Variants in MACC1 observed in about 807,000 individuals in gnomAD.
The protein encoded by MACC1 is MET transcriptional regulator MACC1, also known as metastasis-associated in colon cancer protein 1.
In MACC1, 79 loss-of-function variants were observed where a neutral mutation model predicts 70.7. The observed-to-expected ratio is 1.12, with a 90% CI of 0.93 to 1.35. MACC1 has a LOEUF of 1.35. Among genes scored for constraint, MACC1 ranks in the 40% most tolerant of loss-of-function variants. MACC1 has a pLI of 0.00. For missense variants in MACC1, 1,106 were observed against 978.1 expected (o/e 1.13, Z -1.74); for synonymous variants, 361 against 347.2 (o/e 1.04, Z -0.44).
rs895520927 is a variant in MACC1 at position 20,158,553 on chromosome 7, C to G, written c.1808G>C (p.Arg603Thr). ...KVKEWYVGVL[R>T]GKIGLVHCKN... ...GCAGTGTACAAGTCCAATCTTACCTCTGAGGACTCCTACATACCATTCTTT... is the reference window on the plus strand; with the variant it reads ...GCAGTGTACAAGTCCAATCTTACCTGTGAGGACTCCTACATACCATTCTTT... Residue 603 changes from arginine (R) to threonine (T), a missense_variant, in exon 5 of 7, where the codon AGA becomes ACA. Physicochemically the swap from Arg to Thr is moderately conservative, Grantham distance 71. Transcript: ENST00000400331. The G allele has an allele frequency of 3.7e-6, 6 of 1,613,952 alleles. No individual in the cohort carries two copies. The African/African-American group carries it at 4.0e-5, about 11-fold the overall frequency.
chr7:20,199,307 C>A (rs142919697), intron 1 of MACC1, among the ~76,000 whole-genome samples: 1 of 152,206 alleles, frequency 6.6e-6, no homozygotes, highest in South Asian at 2.1e-4. Context: ...AAAGAGTTGG[C>A]AAGGTTTGAT....
rs936389664 is a variant in MACC1, at chr7:20,140,282, G to T, written c.*664C>A. ...GTTATGCAGTATGATTTTTTAAAAA[G>T]AAATAGAAACAGGTTTTTCAAGCAG... On this transcript the variant is annotated 3_prime_UTR_variant, in exon 7 of 7. Transcript: ENST00000400331. 1 of 152,100 alleles carries T rather than the reference G, an allele frequency of 6.6e-6. No homozygotes were observed. Among genetic ancestry groups the T allele is most frequent in the African/African-American group, 2.4e-5 (1 of 41,424 alleles). 9.4% of individuals were successfully genotyped at this position (152,100 alleles called of 1,614,324 possible).
chr7:20,197,964 T>C (rs1237507955), intron 1 of MACC1, among the ~76,000 whole-genome samples: 1 of 152,216 alleles, frequency 6.6e-6, no homozygotes, highest in Non-Finnish European at 1.5e-5. Flanking sequence ...ATAAAAACCA[T>C]TTCAACATGA....
chr7:20,213,736 C>T (rs1337239022), intron 1 of MACC1, among the ~76,000 whole-genome samples: 1 of 152,008 alleles, frequency 6.6e-6, no homozygotes, highest in Non-Finnish European at 1.5e-5. Flanking sequence ...AGGGGAACAA[C>T]ACACACCGAG....
At chr7:20,199,630 A>G (rs1013907387) in intron 1 of MACC1, among the ~76,000 whole-genome samples, 11 of 152,238 alleles carry the variant, frequency 7.2e-5, no homozygotes, top group South Asian at 2.1e-4. Flanking sequence ...GAAGTCTTCA[A>G]ATGAAACAGG....
At chr7:20,181,324 G>T (rs1782503451) in intron 1 of MACC1, among the ~76,000 whole-genome samples, 1 of 151,886 alleles carries the variant, frequency 6.6e-6, no homozygotes, top group African/African-American at 2.4e-5. Context: ...TATATTGATA[G>T]AAAGGACAGT....
chr7:20,161,675 A>G, intron 4 of MACC1, 73 bp downstream of exon 4: 1 of 848,724 alleles, frequency 1.2e-6, no homozygotes, highest in Non-Finnish European at 2.0e-6. Context: ...TCAGAGGTAG[A>G]CCTTCAACAA....
chr7:20,166,770 T>C (rs1263116709), intron 2 of MACC1, among the ~76,000 whole-genome samples: 5 of 152,234 alleles, frequency 3.3e-5, no homozygotes, highest in Admixed American at 1.3e-4. Flanking sequence ...GTCATCTTGT[T>C]AATATCACCA....
At chr7:20,149,648 C>T (rs149668870) in intron 6 of MACC1, among the ~76,000 whole-genome samples, 2 of 152,178 alleles carry the variant, frequency 1.3e-5, no homozygotes, top group African/African-American at 4.8e-5. Flanking sequence ...AACATATGTA[C>T]CTGACCACAT....
At chr7:20,216,046 T>C (rs1783065345) in intron 1 of MACC1, among the ~76,000 whole-genome samples, 1 of 152,140 alleles carries the variant, frequency 6.6e-6, no homozygotes, top group Non-Finnish European at 1.5e-5. Context: ...ATCGCTATTA[T>C]GAATAAAAGA....
chr7:20,203,866 A>G (rs1186494686), intron 1 of MACC1, among the ~76,000 whole-genome samples: 1 of 152,164 alleles, frequency 6.6e-6, no homozygotes, highest in Admixed American at 6.5e-5. Context: ...TGGCTCTGGT[A>G]ATAATAGCTA....
At chr7:20,148,843 A>C (rs1781933586) in intron 6 of MACC1, among the ~76,000 whole-genome samples, 2 of 152,240 alleles carry the variant, frequency 1.3e-5, no homozygotes, top group South Asian at 4.1e-4. Context: ...TGGAGATTTG[A>C]GATATCATTC....
intron 1 of MACC1, among the ~76,000 whole-genome samples, chr7:20,195,457 AT>A (rs1275917619): frequency 1.3e-5 from 2 of 152,250 alleles, no homozygotes; most frequent in Non-Finnish European, 2.9e-5. Flanking sequence ...AAAGTAACAT[AT>A]GTATTCAACA....
chr7:20,203,485 T>C (rs1782862282), intron 1 of MACC1, among the ~76,000 whole-genome samples: 1 of 152,208 alleles, frequency 6.6e-6, no homozygotes, highest in African/African-American at 2.4e-5. Context: ...GCTAAACCTA[T>C]GAAGTGAATG....
At chr7:20,177,954 A>G (rs1782422424) in intron 1 of MACC1, among the ~76,000 whole-genome samples, 1 of 151,924 alleles carries the variant, frequency 6.6e-6, no homozygotes, top group South Asian at 2.1e-4. Flanking sequence ...TAAAAACATG[A>G]TTTTTAAATT....
At chr7:20,184,125 C>T (rs1333678307) in intron 1 of MACC1, among the ~76,000 whole-genome samples, 3 of 152,122 alleles carry the variant, frequency 2.0e-5, no homozygotes, top group East Asian at 3.8e-4. Context: ...CTCAAACACA[C>T]TTAAAAAAAT....
chr7:20,177,768 G>C (rs1031067343), intron 1 of MACC1, among the ~76,000 whole-genome samples: 9 of 148,818 alleles, frequency 6.0e-5, no homozygotes, highest in African/African-American at 2.2e-4. Flanking sequence ...GCATCTTACA[G>C]GGGAAGTCAT....
At chr7:20,207,202 G>A (rs1019281483) in intron 1 of MACC1, among the ~76,000 whole-genome samples, 7 of 151,508 alleles carry the variant, frequency 4.6e-5, no homozygotes, top group African/African-American at 9.7e-5. Flanking sequence ...GTGCAGTGGC[G>A]CAGTCTCGGC....
rs1316413567 is a variant in MACC1 at position 20,161,742 on chromosome 7, C to T, written c.115+6G>A. ...GACAAATCACAACAGTTATAAATTCCCATACCTGTAATATTGCAACTTTTT... is the reference window on the plus strand; with the variant it reads ...GACAAATCACAACAGTTATAAATTCTCATACCTGTAATATTGCAACTTTTT... On this transcript the variant is annotated splice_donor_region_variant and intron_variant, in intron 4 of 6. Coordinates refer to ENST00000400331, the MANE Select transcript of MACC1 (RefSeq NM_182762.4). The T allele has an allele frequency of 6.5e-7, 1 of 1,547,804 alleles. No individual in the cohort carries two copies. The highest frequency in any genetic ancestry group is 1.1e-5 in the South Asian group (1 of 89,294).
Sources: gnomAD v4.1 joint callset for allele counts (sites outside exome capture counted in the v4.1 genomes callset) on GRCh38, gnomAD v4.1.1 for gene constraint, MANE v1.5 for transcripts, NCBI Gene and HGNC (gene_info 2026-07-23, HGNC 2026-07-21) for gene names.